The following ITGA8 variants were observed in gnomAD, a reference collection of about 807,000 sequenced individuals.
ITGA8 encodes the protein integrin alpha-8.
In ITGA8, 91 loss-of-function variants were observed where a neutral mutation model predicts 142.3. The ratio of observed to expected loss-of-function variants is 0.64; its 90% confidence interval spans 0.54 to 0.76. ITGA8 has a LOEUF of 0.76. Ranked by LOEUF, ITGA8 falls within the 30% of genes least tolerant of loss-of-function variation. ITGA8 has a pLI of 0.00. For synonymous variants in ITGA8, 505 were observed against 485.2 expected, an observed-to-expected ratio of 1.04 and a Z score of -0.54; for missense variants, 1,406 against 1,327.7, an observed-to-expected ratio of 1.06 and a Z score of -0.92.
intron 28 of ITGA8, among the ~76,000 whole-genome samples, chr10:15,530,002 G>A (rs1190765535): frequency 6.6e-6 from 1 of 152,206 alleles, no homozygotes; most frequent in Non-Finnish European, 1.5e-5. Context: ...CTGTGGATGG[G>A]AAATATCCAC....
intron 24 of ITGA8, among the ~76,000 whole-genome samples, chr10:15,574,749 GT>G (rs1834252637): frequency 6.6e-6 from 1 of 150,812 alleles, no homozygotes; most frequent in Admixed American, 6.6e-5. Flanking sequence ...AGTTCTTATT[GT>G]TTTCTGTCTG....
At chr10:15,577,936 A>C (rs1183748157) in intron 23 of ITGA8, among the ~76,000 whole-genome samples, 1 of 152,160 alleles carries the variant, frequency 6.6e-6, no homozygotes, top group African/African-American at 2.4e-5. Context: ...TGGGAGAAGC[A>C]AGGAATTAGT....
Position 15,575,522 on chromosome 10 carries a change from C to A in ITGA8, c.2445G>T (p.Glu815Asp), listed in dbSNP as rs112914197. ...WEPEEEPHKE[E>D]EVGPLVEHIY... is the part of the protein sequence containing the mutation. ...TATGTTCCACCAATGGTCCAACCTC[C>A]TCCTCTTTGTGGGGCTCCTCTTCTG... is the stretch of plus-strand genomic sequence containing the variant. The change falls in exon 24 of 30, where the codon GAG becomes GAT. Residue 815 changes from glutamate to aspartate, a missense_variant. Coordinates refer to ENST00000378076, the MANE Select transcript of ITGA8 (RefSeq NM_003638.3). 7.6e-4 allele frequency: 1,225 copies of A among 1,614,024 alleles called. 1 individual carries two copies. The highest frequency in any genetic ancestry group is 9.7e-4 in the Non-Finnish European group (1,141 of 1,179,898).
intron 13 of ITGA8, among the ~76,000 whole-genome samples, chr10:15,643,048 T>C (rs1364855206): frequency 1.3e-5 from 2 of 152,182 alleles, no homozygotes; most frequent in African/African-American, 4.8e-5. Flanking sequence ...AACCAAGAAG[T>C]CTGATGTTCT....
At chr10:15,694,430 T>TATCAGATAATATATC (rs1835007377) in intron 2 of ITGA8, among the ~76,000 whole-genome samples, 2 of 138,142 alleles carry the variant, frequency 1.4e-5, no homozygotes, top group Non-Finnish European at 1.5e-5. Flanking sequence ...ATATATCATA[T>TATCAGATAATATATC]ATATGATATA....
At position 15,694,134 on chromosome 10, in the gene ITGA8, T is replaced by TAGATAATATATCATATATC. The variant is rs1355353855; in HGVS notation, c.344-6115_344-6097dup. 4.2e-4 allele frequency among the ~76,000 whole-genome samples: 60 copies of TAGATAATATATCATATATC among 143,418 alleles called. 1 individual carries two copies. Among genetic ancestry groups the TAGATAATATATCATATATC allele is most frequent in the African/African-American group, 1.5e-3 (58 of 38,094 alleles). The allele number at this position is 143,418 out of a possible 152,430, so 94.1% of individuals were successfully genotyped here. Reference sequence around the variant, plus strand: ...TTATATATCATATATCTATATTATATAGATAATATATCATATATCAGATAA... The same window carrying TAGATAATATATCATATATC: ...TTATATATCATATATCTATATTATATAGATAATATATCATATATCAGATAATATATCATATATCAGATAA... On this transcript the variant is annotated intron_variant, in intron 2 of 29. Coordinates refer to ENST00000378076, the MANE Select transcript of ITGA8 (RefSeq NM_003638.3).
At chr10:15,595,591 A>G (rs1832998561) in intron 21 of ITGA8, among the ~76,000 whole-genome samples, 1 of 152,208 alleles carries the variant, frequency 6.6e-6, no homozygotes, top group African/African-American at 2.4e-5. Context: ...TTTTTCCTCC[A>G]CTTTGAATGA....
chr10:15,552,218 G>C (rs1833803428), intron 26 of ITGA8, among the ~76,000 whole-genome samples: 1 of 151,774 alleles, frequency 6.6e-6, no homozygotes, highest in Non-Finnish European at 1.5e-5. Context: ...CGCACTACAA[G>C]CTCCGCCTCC....
At chr10:15,602,687 A>G (rs550337103) in intron 20 of ITGA8, among the ~76,000 whole-genome samples, 1 of 152,000 alleles carries the variant, frequency 6.6e-6, no homozygotes, top group African/African-American at 2.4e-5. Context: ...GTAGTGAGCT[A>G]TGATCACGCT....
intron 2 of ITGA8, among the ~76,000 whole-genome samples, chr10:15,710,842 G>A (rs1835350445): frequency 6.6e-6 from 1 of 152,184 alleles, no homozygotes; most frequent in Non-Finnish European, 1.5e-5. Flanking sequence ...GCCGGGTCAG[G>A]TCTTTGAATA....
At chr10:15,703,743 AG>A (rs1363659642) in intron 2 of ITGA8, among the ~76,000 whole-genome samples, 1 of 152,182 alleles carries the variant, frequency 6.6e-6, no homozygotes, top group East Asian at 1.9e-4. Context: ...TGTCCATCCC[AG>A]AGACAGACAT....
intron 2 of ITGA8, among the ~76,000 whole-genome samples, chr10:15,690,257 A>T (rs1834908463): frequency 6.6e-6 from 1 of 152,096 alleles, no homozygotes; most frequent in African/African-American, 2.4e-5. Context: ...CCAGGGTTCA[A>T]AGTCAACATT....
intron 13 of ITGA8, among the ~76,000 whole-genome samples, chr10:15,643,798 A>G (rs1833912987): frequency 6.6e-6 from 1 of 152,246 alleles, no homozygotes; most frequent in Non-Finnish European, 1.5e-5. Flanking sequence ...CAGATTGTTA[A>G]GCCATTCTGC....
At chr10:15,520,207 G>A (rs369750804) in intron 28 of ITGA8, among the ~76,000 whole-genome samples, 1 of 152,184 alleles carries the variant, frequency 6.6e-6, no homozygotes, top group East Asian at 1.9e-4. Context: ...AGCTCAGGAG[G>A]TCGAGACCAG....
chr10:15,548,483 GA>G lies in ITGA8; in HGVS notation c.2851del (p.Ser951HisfsTer43), dbSNP rs1833721734. ...GGESAVLKVR[S>X]RLWAHTFLQR... ...GAGGAAGGTGTGGGCCCATAATCGT[GA>G]CCTGACTTTCAGGACTGCGCTTTCT... On this transcript the variant is annotated frameshift_variant, in exon 27 of 30. Transcript: ENST00000378076. LOFTEE classifies it high-confidence loss of function. 3.7e-6 allele frequency: 6 copies of G among 1,609,740 alleles called. No individual in the cohort carries two copies. The highest frequency in any genetic ancestry group is 4.2e-6 in the Non-Finnish European group (5 of 1,178,574).
At chr10:15,659,106 C>A (rs1395144214) in intron 9 of ITGA8, 51 bp from the exon 10 acceptor site, 2 of 1,296,954 alleles carry the variant, frequency 1.5e-6, no homozygotes, top group South Asian at 1.4e-5. Context: ...AGAATTGGAG[C>A]CTTTTTTAAA....
Position 15,578,704 on chromosome 10 carries a change from C to G in ITGA8, c.2373-3110G>C, listed in dbSNP as rs535365444. Reference sequence around the variant, plus strand: ...AACTGTACCTGCTGTGGATGGTATCCTATGCAAACCTCAGCTGTTCATGTT... The same window carrying G: ...AACTGTACCTGCTGTGGATGGTATCGTATGCAAACCTCAGCTGTTCATGTT... On this transcript the variant is annotated intron_variant, in intron 23 of 29. Transcript: ENST00000378076. Among the ~76,000 whole-genome samples the G allele has an allele frequency of 4.6e-5, 7 of 152,178 alleles. No individual in the cohort carries two copies. The South Asian group carries it at 1.4e-3, about 32-fold the overall frequency.
chr10:15,697,149 G>A (rs1238059296), intron 2 of ITGA8, among the ~76,000 whole-genome samples: 2 of 151,778 alleles, frequency 1.3e-5, no homozygotes, highest in East Asian at 3.9e-4. Context: ...GACTCAAAAA[G>A]AAACATCTGC....
intron 28 of ITGA8, among the ~76,000 whole-genome samples, chr10:15,527,673 G>C (rs1312069310): frequency 6.6e-6 from 1 of 152,092 alleles, no homozygotes; most frequent in Admixed American, 6.6e-5. Context: ...TCTTCCATAA[G>C]TAAAGCTAAT....
Sources: gnomAD v4.1 joint callset for allele counts (sites outside exome capture counted in the v4.1 genomes callset) on GRCh38, gnomAD v4.1.1 for gene constraint, MANE v1.5 for transcripts, NCBI Gene and HGNC (gene_info 2026-07-23, HGNC 2026-07-21) for gene names.